The following PSEN2 variants were observed in gnomAD, a reference collection of about 807,000 sequenced individuals.
The protein encoded by PSEN2 is presenilin-2.
In PSEN2, 32 loss-of-function variants were observed where a neutral mutation model predicts 49.1. That is an observed-to-expected ratio of 0.65 (90% CI 0.49 to 0.88). The LOEUF is 0.88. Among genes scored for constraint, PSEN2 ranks in the 40% least tolerant of loss-of-function variants. The pLI, the probability that PSEN2 is intolerant of heterozygous loss-of-function variation, is 0.00. For synonymous variants in PSEN2, 255 were observed against 244.0 expected (o/e 1.05, Z -0.42); for missense variants, 522 against 586.9 (o/e 0.89, Z 1.14).
At chr1:226,873,780 A>G (rs1660455952) in intron 2 of PSEN2, among the ~76,000 whole-genome samples, 1 of 152,202 alleles carries the variant, frequency 6.6e-6, no homozygotes, top group Admixed American at 6.5e-5. Context: ...TATCTATTAA[A>G]ACAATAGAGG....
intron 3 of PSEN2, chr1:226,880,438 A>G: frequency 7.8e-7 from 1 of 1,285,434 alleles, no homozygotes; most frequent in South Asian, 1.6e-5. Context: ...ACGAACTTTC[A>G]GCAGAGCGCA....
intron 3 of PSEN2, 151 bp from the exon 4 acceptor site, chr1:226,881,737 T>G: frequency 1.2e-6 from 1 of 852,396 alleles, no homozygotes; most frequent in South Asian, 1.4e-5. Context: ...TCTTGTTTTA[T>G]GGCAGTCGTT....
Position 226,881,816 on chromosome 1 carries a change from CCA to C in PSEN2, c.-20-70_-20-69del, listed in dbSNP as rs1361755640. On this transcript the variant is annotated intron_variant, in intron 3 of 12. Transcript: ENST00000366783. ...GTCCAAGTCTCCAGGTCGCCTCCAG[CCA>C]CCCCCTGAGTCCTCCACTGCCTTTG... is the stretch of plus-strand genomic sequence containing the variant. 27 of 1,588,802 alleles carry C rather than the reference CCA, an allele frequency of 1.7e-5. No individual in the cohort carries two copies. The Admixed American group carries it at 4.5e-4, about 26-fold the overall frequency.
At chr1:226,891,639 T>G (rs946924222) in intron 10 of PSEN2, 104 bp from the exon 11 acceptor site, 5 of 1,117,776 alleles carry the variant, frequency 4.5e-6, no homozygotes, top group Non-Finnish European at 6.8e-6. Context: ...GGACCCCTTC[T>G]TGGAGCTTTG....
intron 2 of PSEN2, among the ~76,000 whole-genome samples, chr1:226,874,925 C>T (rs186956454): frequency 6.6e-6 from 1 of 152,288 alleles, no homozygotes; most frequent in Admixed American, 6.5e-5. Context: ...AAATGTGTTT[C>T]TGGAGCCTAC....
chr1:226,880,978 C>G (rs1338768410), intron 3 of PSEN2, among the ~76,000 whole-genome samples: 3 of 152,222 alleles, frequency 2.0e-5, no homozygotes, highest in East Asian at 1.9e-4. Context: ...AATTCATGGT[C>G]TTTCCCGAGA....
In PSEN2 at chr1:226,895,495, G is replaced by A. The variant is rs766859560; in HGVS notation, c.1263G>A (p.Thr421=). The change falls in exon 13 of 13, where the codon ACG becomes ACA. Residue 421 remains threonine (T), a synonymous_variant. Transcript: ENST00000366783. The stretch of plus-strand genomic sequence containing the variant: ...TGCCCGCCCTCCCCATCTCCATCAC[G>A]TTCGGGCTCATCTTTTACTTCTCCA... ...KALPALPISI[T]FGLIFYFSTD... 47 of 1,613,956 alleles carry A rather than the reference G, an allele frequency of 2.9e-5. 1 individual carries two copies. The highest frequency in any genetic ancestry group is 3.3e-4 in the Middle Eastern group (2 of 6,062).
At chr1:226,877,172 C>T (rs963250922) in intron 3 of PSEN2, among the ~76,000 whole-genome samples, 1 of 151,216 alleles carries the variant, frequency 6.6e-6, no homozygotes, top group Admixed American at 6.6e-5. Flanking sequence ...AGAGACAGTG[C>T]CAGGAAAAGT....
intron 9 of PSEN2, chr1:226,890,881 A>G: frequency 4.0e-6 from 1 of 252,026 alleles, no homozygotes; most frequent in South Asian, 5.2e-5. Flanking sequence ...TCGAGCCCGT[A>G]GAGGAGAATC....
intron 4 of PSEN2, 75 bp downstream of exon 4, chr1:226,882,123 A>G: frequency 6.4e-7 from 1 of 1,571,470 alleles, no homozygotes; most frequent in South Asian, 1.1e-5. Flanking sequence ...AAAACCAGAC[A>G]TTCATTCCCT....
rs142444752 is a variant in PSEN2 at position 226,891,127 on chromosome 1, A to G, written c.887-151A>G. ...AGAGTGACTCTGGACCCCTCCCACA[A>G]CGGCCTCCTAACAATGGAGCATGAG... On this transcript the variant is annotated intron_variant, in intron 9 of 12. Transcript: ENST00000366783. 6.6e-4 allele frequency: 451 copies of G among 684,476 alleles called. 4 individuals are homozygous for G. The African/African-American group carries it at 7.3e-3, about 11-fold the overall frequency. The allele number at this position is 684,476 out of a possible 1,614,324, so 42.4% of individuals were successfully genotyped here. A position where few individuals can be genotyped will look rare whatever the true frequency, so the allele number is the denominator to read the frequency against.
intron 3 of PSEN2, chr1:226,880,447 C>A: frequency 7.4e-7 from 1 of 1,346,948 alleles, no homozygotes; most frequent in Non-Finnish European, 9.9e-7. Flanking sequence ...CAGCAGAGCG[C>A]ACACCTGCTA....
chr1:226,885,388 A>G (rs1571954379), intron 5 of PSEN2, 150 bp from the exon 6 acceptor site: 2 of 844,090 alleles, frequency 2.4e-6, no homozygotes, highest in East Asian at 2.7e-5. Flanking sequence ...GGAACTGCTC[A>G]TGGGGATGGT....
intron 6 of PSEN2, 30 bp downstream of exon 6, chr1:226,885,709 G>T (rs2236910): frequency 1.1e-4 from 172 of 1,601,998 alleles, no homozygotes; most frequent in Admixed American, 9.3e-4. Context: ...CTCCAGCCAC[G>T]CTTCTCTCCG....
intron 2 of PSEN2, among the ~76,000 whole-genome samples, chr1:226,874,363 C>CT (rs987066265): frequency 2.6e-5 from 4 of 152,354 alleles, no homozygotes; most frequent in African/African-American, 9.6e-5. Flanking sequence ...ACTTTTGCCC[C>CT]TCTAGGCTTC....
chr1:226,896,795 A>AGGCTGC (rs2102700942), downstream of PSEN2, among the ~76,000 whole-genome samples: 1 of 152,208 alleles, frequency 6.6e-6, no homozygotes, highest in African/African-American at 2.4e-5. Context: ...CAGGAGGCTG[A>AGGCTGC]GGCTGCAATG....
chr1:226,871,954 C>CT (rs1351225943), intron 2 of PSEN2, among the ~76,000 whole-genome samples: 4 of 152,348 alleles, frequency 2.6e-5, no homozygotes, highest in African/African-American at 9.6e-5. Context: ...GGAGTGAGGG[C>CT]TTGGGGGCAT....
chr1:226,877,601 A>G (rs1167957327), intron 3 of PSEN2, among the ~76,000 whole-genome samples: 1 of 152,144 alleles, frequency 6.6e-6, no homozygotes, highest in Non-Finnish European at 1.5e-5. Flanking sequence ...GTGACAGCTG[A>G]GACTAGCTCT....
chr1:226,901,434 C>CAA (rs71179182), downstream of PSEN2, among the ~76,000 whole-genome samples: 1,392 of 117,616 alleles, frequency 0.012, 27 homozygotes, highest in African/African-American at 0.038. Context: ...GAAACTGTCT[C>CAA]AAAAAAAAAA....
Sources: gnomAD v4.1 joint callset for allele counts (sites outside exome capture counted in the v4.1 genomes callset) on GRCh38, gnomAD v4.1.1 for gene constraint, MANE v1.5 for transcripts, NCBI Gene and HGNC (gene_info 2026-07-23, HGNC 2026-07-21) for gene names.